ALDH9A1: variants seen among roughly 807,000 people sequenced by gnomAD.
The protein encoded by ALDH9A1 is aldehyde dehydrogenase 9 family member A1.
ALDH9A1 carries 42 observed loss-of-function variants against 56.6 expected under a neutral mutation model. That is an observed-to-expected ratio of 0.74 (90% CI 0.58 to 0.96). ALDH9A1 has a LOEUF of 0.96. Ranked by LOEUF, ALDH9A1 falls within the 40% of genes least tolerant of loss-of-function variation. The probability of loss-of-function intolerance (pLI) is 0.00; values close to 1 mark genes in which losing one functional copy is unlikely to be tolerated. For missense variants in ALDH9A1, 661 were observed against 651.5 expected, an observed-to-expected ratio of 1.01 and a Z score of -0.16; for synonymous variants, 242 against 236.0, an observed-to-expected ratio of 1.03 and a Z score of -0.23.
intron 6 of ALDH9A1, among the ~76,000 whole-genome samples, chr1:165,678,029 C>T (rs542953545): frequency 1.6e-3 from 242 of 151,380 alleles, no homozygotes; most frequent in African/African-American, 5.5e-3. Context: ...AGTGAGACTC[C>T]GTCTCAATAA....
At chr1:165,692,107 A>G in intron 2 of ALDH9A1, among the ~76,000 whole-genome samples, 1 of 152,206 alleles carries the variant, frequency 6.6e-6, no homozygotes, top group East Asian at 1.9e-4. Flanking sequence ...CCCACAGCCA[A>G]TATCATACTG....
Position 165,667,386 on chromosome 1 carries a change from T to A in ALDH9A1, c.1272A>T (p.Leu424Phe). 6.2e-7 allele frequency: 1 copy of A among 1,614,086 alleles called. No individual in the cohort carries two copies. ...EEIFGPVMSI[L>F]SFDTEAEVLE... ...GAACCTCAGCTTCAGTGTCAAATGA[T>A]AAAATGGACATAACAGGCCCAAAGA... The change falls in exon 9 of 11, where the codon TTA (leucine) becomes TTT (phenylalanine). Residue 424 changes from leucine to phenylalanine, a missense_variant. Coordinates refer to ENST00000354775, the MANE Select transcript of ALDH9A1 (RefSeq NM_000696.4).
chr1:165,677,654 C>G (rs1649405591), intron 6 of ALDH9A1, among the ~76,000 whole-genome samples: 1 of 151,308 alleles, frequency 6.6e-6, no homozygotes, highest in Admixed American at 6.6e-5. Flanking sequence ...GTCAGGAGAT[C>G]CAGACCATCC....
chr1:165,680,697 A>G lies in ALDH9A1; in HGVS notation c.593-14T>C. On this transcript the variant is annotated splice_polypyrimidine_tract_variant and intron_variant, in intron 4 of 10. Coordinates refer to ENST00000354775, the MANE Select transcript of ALDH9A1 (RefSeq NM_000696.4). ...CCATGGCATTACCTGCATAAACCCA[A>G]GACACAAACATAAAAAGACTTTCTA... is the stretch of plus-strand genomic sequence containing the variant. The G allele has an allele frequency of 6.3e-7, 1 of 1,583,704 alleles. No homozygotes were observed. The highest frequency in any genetic ancestry group is 8.6e-7 in the Non-Finnish European group (1 of 1,166,744).
chr1:165,692,123 G>T (rs532703357), intron 2 of ALDH9A1, among the ~76,000 whole-genome samples: 1 of 152,122 alleles, frequency 6.6e-6, no homozygotes, highest in Non-Finnish European at 1.5e-5. Context: ...TACTGAATGG[G>T]CAAAAACTGG....
At position 165,682,971 on chromosome 1, in the gene ALDH9A1, G is replaced by A. The variant is rs1216591480; in HGVS notation, c.457+10C>T. ...TATCAGCTGGTCACAGACACCAGGTGAGGACTTACCAGCCATGGATGCAGC... is the reference window on the plus strand; with the variant it reads ...TATCAGCTGGTCACAGACACCAGGTAAGGACTTACCAGCCATGGATGCAGC... On this transcript the variant is annotated intron_variant, in intron 3 of 10. Coordinates refer to ENST00000354775, the MANE Select transcript of ALDH9A1 (RefSeq NM_000696.4). 3.1e-6 allele frequency: 5 copies of A among 1,613,112 alleles called. No homozygotes were observed. The highest frequency in any genetic ancestry group is 2.2e-5 in the South Asian group (2 of 91,030).
At chr1:165,692,713 AT>A (rs1465076678) in intron 2 of ALDH9A1, among the ~76,000 whole-genome samples, 1 of 150,486 alleles carries the variant, frequency 6.6e-6, no homozygotes, top group Non-Finnish European at 1.5e-5. Flanking sequence ...GGAAAAAACT[AT>A]TTTAAAGTTC....
At chr1:165,692,410 T>C (rs1649922789) in intron 2 of ALDH9A1, among the ~76,000 whole-genome samples, 1 of 152,202 alleles carries the variant, frequency 6.6e-6, no homozygotes, top group African/African-American at 2.4e-5. Flanking sequence ...AGCATTCCTA[T>C]ACACCAATAA....
chr1:165,662,513 A>C lies in ALDH9A1; in HGVS notation c.*537T>G, dbSNP rs1648873328. On this transcript the variant is annotated 3_prime_UTR_variant, in exon 11 of 11. Transcript: ENST00000354775. Reference sequence around the variant, plus strand: ...AGCTTAAAAAAATGTCAATGAGCTGAAATCATCTCTACTGATTCTACCAGG... The same window carrying C: ...AGCTTAAAAAAATGTCAATGAGCTGCAATCATCTCTACTGATTCTACCAGG... 6.6e-6 allele frequency: 1 copy of C among 152,656 alleles called. No individual in the cohort carries two copies. The highest frequency in any genetic ancestry group is 2.4e-5 in the African/African-American group (1 of 41,482). The allele number at this position is 152,656 out of a possible 1,614,324, so 9.5% of individuals were successfully genotyped here. A position where few individuals can be genotyped will look rare whatever the true frequency, so the allele number is the denominator to read the frequency against.
chr1:165,672,531 A>G (rs1312501922), intron 6 of ALDH9A1, among the ~76,000 whole-genome samples: 1 of 152,190 alleles, frequency 6.6e-6, no homozygotes, highest in African/African-American at 2.4e-5. Flanking sequence ...TTATTATTTA[A>G]TGGGGTACAC....
At chr1:165,665,375 A>T (rs1002758610) in intron 9 of ALDH9A1, among the ~76,000 whole-genome samples, 3 of 152,238 alleles carry the variant, frequency 2.0e-5, no homozygotes, top group African/African-American at 7.2e-5. Flanking sequence ...GAGGAAAAAC[A>T]GTCTTTTTAA....
chr1:165,694,484 TGTAAAAAAAAA>T (rs1427627720), intron 2 of ALDH9A1, among the ~76,000 whole-genome samples: 1 of 146,720 alleles, frequency 6.8e-6, no homozygotes, highest in Non-Finnish European at 1.5e-5. Flanking sequence ...ATATTTATGA[TGTAAAAAAAAA>T]GTTTAACTCT....
chr1:165,695,730 T>A (rs545265492), intron 1 of ALDH9A1, among the ~76,000 whole-genome samples: 3 of 152,180 alleles, frequency 2.0e-5, no homozygotes, highest in African/African-American at 7.2e-5. Context: ...TCTCCTGACC[T>A]TGTGACCCAC....
Position 165,695,387 on chromosome 1 carries a change from TA to T in ALDH9A1, c.191del (p.Ile64LysfsTer12), listed in dbSNP as rs1421716699. ...TTTCTCCTGAACATGTGAAAGTAGC[TA>T]TCACTCGGCCTATAAAGAGCGGAAA... ...KAFEPATGRV[I>X]ATFTCSGEKE... On this transcript the variant is annotated frameshift_variant, in exon 2 of 11. Transcript: ENST00000354775. LOFTEE classifies it high-confidence loss of function. 6.2e-7 allele frequency: 1 copy of T among 1,609,792 alleles called. No individual in the cohort carries two copies. Among genetic ancestry groups the T allele is most frequent in the South Asian group, 1.1e-5 (1 of 90,224 alleles).
In ALDH9A1 at chr1:165,667,451, C is replaced by G. The variant is rs1441772378; in HGVS notation, c.1208-1G>C. ...CAGGTCATGTCGTCTCTGCAATTAGCTGCAAACATTAAAATAAAACCTCCT... is the reference window on the plus strand; with the variant it reads ...CAGGTCATGTCGTCTCTGCAATTAGGTGCAAACATTAAAATAAAACCTCCT... On this transcript the variant is annotated splice_acceptor_variant, in intron 8 of 10. Coordinates refer to ENST00000354775, the MANE Select transcript of ALDH9A1 (RefSeq NM_000696.4). LOFTEE classifies it high-confidence loss of function. The G allele has an allele frequency of 6.2e-7, 1 of 1,613,674 alleles. No individual in the cohort carries two copies. The highest frequency in any genetic ancestry group is 8.5e-7 in the Non-Finnish European group (1 of 1,179,856).
intron 10 of ALDH9A1, among the ~76,000 whole-genome samples, chr1:165,664,480 G>A (rs915595466): frequency 1.3e-5 from 2 of 152,202 alleles, no homozygotes; most frequent in Non-Finnish European, 2.9e-5. Context: ...TGAATGAGCA[G>A]TGGCTAAGGA....
Position 165,689,525 on chromosome 1 carries a change from A to G in ALDH9A1, c.327+5727T>C, listed in dbSNP as rs78766018. Among the ~76,000 whole-genome samples the G allele has an allele frequency of 7.6e-3, 1,151 of 152,314 alleles. 12 individuals are homozygous for G. The highest frequency in any genetic ancestry group is 0.027 in the African/African-American group (1,105 of 41,558). ...AGATGTGCCAGTAATTTCTATTTAA[A>G]TGAATCTCAGAAGTTTAGGGTTCTT... On this transcript the variant is annotated intron_variant, in intron 2 of 10. Coordinates refer to ENST00000354775, the MANE Select transcript of ALDH9A1 (RefSeq NM_000696.4).
intron 7 of ALDH9A1, 63 bp from the exon 8 acceptor site, chr1:165,669,076 T>C: frequency 2.1e-6 from 3 of 1,453,594 alleles, no homozygotes; most frequent in South Asian, 1.3e-5. Context: ...ATTCCTGAAA[T>C]GTTAATTGTA....
At chr1:165,691,877 C>A (rs550464836) in intron 2 of ALDH9A1, among the ~76,000 whole-genome samples, 1 of 152,200 alleles carries the variant, frequency 6.6e-6, no homozygotes, top group Non-Finnish European at 1.5e-5. Flanking sequence ...CCACCATGAT[C>A]AAGTTGGCTT....
Sources: gnomAD v4.1 joint callset for allele counts (sites outside exome capture counted in the v4.1 genomes callset) on GRCh38, gnomAD v4.1.1 for gene constraint, MANE v1.5 for transcripts, NCBI Gene and HGNC (gene_info 2026-07-23, HGNC 2026-07-21) for gene names.